FNBP1: variants seen among roughly 807,000 people sequenced by gnomAD.
FNBP1 encodes formin binding protein 1, also known as formin-binding protein 1.
A neutral mutation model predicts 90.6 loss-of-function variants in FNBP1; 26 were observed. That is an observed-to-expected ratio of 0.29 (90% CI 0.21 to 0.40). FNBP1 has a LOEUF of 0.40. Ranked by LOEUF, FNBP1 falls within the 10% of genes least tolerant of loss-of-function variation. FNBP1 has a pLI of 1.00. For missense variants in FNBP1, 635 were observed against 768.0 expected (o/e 0.83, Z 2.05); for synonymous variants, 260 against 265.2 (o/e 0.98, Z 0.19).
chr9:129,971,349 T>C (rs998660472), intron 4 of FNBP1, among the ~76,000 whole-genome samples: 83 of 152,280 alleles, frequency 5.5e-4, no homozygotes, highest in Non-Finnish European at 3.7e-4. Context: ...TTCTCCTAGA[T>C]ACTTAAGTAG....
chr9:130,051,885 TC>T, the FNBP1 span, among the ~76,000 whole-genome samples: 1 of 152,106 alleles, frequency 6.6e-6, no homozygotes, highest in Non-Finnish European at 1.5e-5. Flanking sequence ...GCTTAGGAGA[TC>T]AGTCTTTCCA....
Position 129,888,762 on chromosome 9 carries a change from G to A in FNBP1, c.*1777C>T, listed in dbSNP as rs2034887637. On this transcript the variant is annotated 3_prime_UTR_variant, in exon 17 of 17. Transcript: ENST00000446176. ...GAGCTGCTCCGGAAGGGTGGTGTGT[G>A]GTCAACCTTGGTTGGCTGAGAGGAG... 4.3e-6 allele frequency: 1 copy of A among 233,104 alleles called. No homozygotes were observed. Among genetic ancestry groups the A allele is most frequent in the Non-Finnish European group, 8.5e-6 (1 of 118,048 alleles). 14.4% of individuals were successfully genotyped at this position (233,104 alleles called of 1,614,324 possible).
intron 2 of FNBP1, among the ~76,000 whole-genome samples, chr9:129,989,714 A>AT (rs1200154226): frequency 6.6e-6 from 1 of 152,170 alleles, no homozygotes; most frequent in African/African-American, 2.4e-5. Context: ...ATTGTACAAC[A>AT]TTGTGTCTCC....
intron 7 of FNBP1, among the ~76,000 whole-genome samples, chr9:129,927,968 T>C (rs2042169009): frequency 6.6e-6 from 1 of 152,102 alleles, no homozygotes; most frequent in South Asian, 2.1e-4. Flanking sequence ...TCAAACGTTT[T>C]CTCCATCTTT....
intron 1 of FNBP1, among the ~76,000 whole-genome samples, chr9:130,033,813 ACTAACATGGT>A (rs1414573303): frequency 1.4e-5 from 2 of 144,420 alleles, no homozygotes; most frequent in African/African-American, 2.6e-5. Context: ...TAACACAGTG[ACTAACATGGT>A]AACCCCGCCT....
At chr9:130,037,941 G>A (rs2132335020) in intron 1 of FNBP1, among the ~76,000 whole-genome samples, 1 of 152,258 alleles carries the variant, frequency 6.6e-6, no homozygotes, top group South Asian at 2.1e-4. Flanking sequence ...AGTACAGTTG[G>A]TAGACAATCC....
At chr9:129,919,067 A>G (rs914082919) in intron 10 of FNBP1, 4 of 416,732 alleles carry the variant, frequency 9.6e-6, no homozygotes, top group African/African-American at 2.0e-5. Context: ...TGGAAGCATA[A>G]CAAGTGCCTC....
chr9:129,963,031 C>G (rs533264642), intron 4 of FNBP1, among the ~76,000 whole-genome samples: 1 of 152,282 alleles, frequency 6.6e-6, no homozygotes, highest in Admixed American at 6.5e-5. Flanking sequence ...AGCCGGAGCA[C>G]CGAGTTACGC....
In FNBP1 at chr9:129,888,785, G is replaced by A. The variant is rs1241568915; in HGVS notation, c.*1754C>T. 1 of 232,958 alleles carries A rather than the reference G, an allele frequency of 4.3e-6. No individual in the cohort carries two copies. The highest frequency in any genetic ancestry group is 8.5e-6 in the Non-Finnish European group (1 of 117,938). The allele number at this position is 232,958 out of a possible 1,614,324, so 14.4% of individuals were successfully genotyped here. ...GTGGTCAACCTTGGTTGGCTGAGAG[G>A]AGCAATTTCCTGGTTTCCACAAGTA... On this transcript the variant is annotated 3_prime_UTR_variant, in exon 17 of 17. Coordinates refer to ENST00000446176, the MANE Select transcript of FNBP1 (RefSeq NM_015033.3).
chr9:129,927,460 G>A (rs2042084588), intron 7 of FNBP1, 119 bp from the exon 8 acceptor site: 1 of 907,706 alleles, frequency 1.1e-6, no homozygotes, highest in Admixed American at 2.1e-5. Context: ...GTTAGAGTTA[G>A]AGCGGCTCTA....
At chr9:129,937,215 T>G (rs190835759) in intron 6 of FNBP1, among the ~76,000 whole-genome samples, 254 of 152,046 alleles carry the variant, frequency 1.7e-3, no homozygotes, top group African/African-American at 5.8e-3. Flanking sequence ...TTTACTCTAG[T>G]CTTTGACCCA....
intron 4 of FNBP1, among the ~76,000 whole-genome samples, chr9:129,975,902 TAAAA>T (rs34630525): frequency 1.4e-5 from 1 of 73,912 alleles, no homozygotes; most frequent in African/African-American, 5.3e-5. Context: ...GACTCCATCT[TAAAA>T]AAAAAAAAAA....
At chr9:129,997,289 T>C (rs117503669) in intron 1 of FNBP1, among the ~76,000 whole-genome samples, 10,244 of 152,054 alleles carry the variant, frequency 0.067, 430 homozygotes, top group Middle Eastern at 0.14. Context: ...GATCACACCA[T>C]TGCACTCCAG....
chr9:129,951,944 C>T lies in FNBP1; in HGVS notation c.513+5416G>A, dbSNP rs549214094. On this transcript the variant is annotated intron_variant, in intron 6 of 16. Coordinates refer to ENST00000446176, the MANE Select transcript of FNBP1 (RefSeq NM_015033.3). ...TGGTGGCTCACACCTGTAATCCCAG[C>T]CCTTTGGGAGGCCGAGGCGGGAGGA... 9.2e-5 allele frequency among the ~76,000 whole-genome samples: 14 copies of T among 151,590 alleles called. 1 individual carries two copies. The South Asian group carries it at 2.9e-3, about 32-fold the overall frequency.
chr9:129,993,479 T>TA (rs71385500), intron 2 of FNBP1, among the ~76,000 whole-genome samples: 101,856 of 140,970 alleles, frequency 0.72, 37,404 homozygotes, highest in East Asian at 0.85. Context: ...CCAAAGTACT[T>TA]AAAAAAAAAA....
intron 16 of FNBP1, among the ~76,000 whole-genome samples, chr9:129,892,412 C>CAA (rs2035207856): frequency 1.7e-5 from 2 of 118,258 alleles, no homozygotes; most frequent in Non-Finnish European, 3.7e-5. Context: ...CACACACACA[C>CAA]ACACAAAAAG....
chr9:129,902,797 C>G (rs879051012), intron 13 of FNBP1, 72 bp downstream of exon 13: 2 of 1,520,164 alleles, frequency 1.3e-6, no homozygotes, highest in Non-Finnish European at 1.8e-6. Flanking sequence ...CGTCAGGGCC[C>G]CACACCATTC....
intron 4 of FNBP1, among the ~76,000 whole-genome samples, chr9:129,969,603 T>A (rs2049121389): frequency 6.6e-6 from 1 of 151,960 alleles, no homozygotes; most frequent in Non-Finnish European, 1.5e-5. Flanking sequence ...TTTGAAAAAA[T>A]TCCAATTATT....
upstream of FNBP1, among the ~76,000 whole-genome samples, chr9:130,046,005 A>C (rs534533782): frequency 3.3e-5 from 5 of 152,280 alleles, no homozygotes; most frequent in African/African-American, 1.2e-4. Flanking sequence ...TCTGGGTTGC[A>C]GATACTGGTT....
Sources: gnomAD v4.1 joint callset for allele counts (sites outside exome capture counted in the v4.1 genomes callset) on GRCh38, gnomAD v4.1.1 for gene constraint, MANE v1.5 for transcripts, NCBI Gene and HGNC (gene_info 2026-07-23, HGNC 2026-07-21) for gene names.